DCX: variants seen among roughly 807,000 people sequenced by gnomAD.
The protein encoded by DCX is neuronal migration protein doublecortin.
Under a neutral mutation model 20.9 loss-of-function variants are expected in DCX, and 4 were observed. The ratio of observed to expected loss-of-function variants is 0.19; its 90% CI spans 0.09 to 0.44. DCX has a LOEUF of 0.44. Among genes scored for constraint, DCX ranks in the 20% least tolerant of loss-of-function variants. The pLI is 0.99. For synonymous variants in DCX, 103 were observed against 111.4 expected (o/e 0.92, Z 0.47); for missense variants, 133 against 296.9 (o/e 0.45, Z 4.06).
At chrX:111,409,967 C>G in intron 2 of DCX, 68 bp downstream of exon 2, 1 of 1,195,739 alleles carries the variant, frequency 8.4e-7, no homozygotes, top group Non-Finnish European at 1.1e-6. Flanking sequence ...TTCAAAGCAA[C>G]CGAAGAATGT....
intron 3 of DCX, among the ~76,000 whole-genome samples, chrX:111,396,251 AC>A (rs1927308163): frequency 8.9e-6 from 1 of 112,279 alleles, no homozygotes; most frequent in South Asian, 3.7e-4. Flanking sequence ...TTATTCTGAG[AC>A]CTGTAATCCC....
intron 3 of DCX, among the ~76,000 whole-genome samples, chrX:111,376,231 A>T (rs752446144): frequency 1.9e-4 from 21 of 111,836 alleles, no homozygotes; most frequent in Non-Finnish European, 3.8e-4. Flanking sequence ...CCTGTGTAGT[A>T]ACACACCCCG....
chrX:111,355,365 T>G (rs1923650672), intron 3 of DCX, among the ~76,000 whole-genome samples: 1 of 111,238 alleles, frequency 9.0e-6, no homozygotes, highest in African/African-American at 3.3e-5. Context: ...TGAATCATCA[T>G]TTTGTGGTAT....
chrX:111,360,493 A>C (rs1049086675), intron 3 of DCX, among the ~76,000 whole-genome samples: 2 of 111,622 alleles, frequency 1.8e-5, no homozygotes, highest in African/African-American at 6.5e-5. Context: ...AATGGGTACA[A>C]AAAAATAGAA....
chrX:111,354,308 G>T (rs1471898795), intron 3 of DCX, among the ~76,000 whole-genome samples: 1 of 111,507 alleles, frequency 9.0e-6, no homozygotes, highest in Non-Finnish European at 1.9e-5. Flanking sequence ...ATCACCCTTT[G>T]TATGTAAACC....
intron 3 of DCX, among the ~76,000 whole-genome samples, chrX:111,347,433 A>T (rs935136499): frequency 1.8e-5 from 2 of 111,795 alleles, no homozygotes; most frequent in Admixed American, 1.9e-4. Flanking sequence ...CCATCAAAGC[A>T]TCCATTTCTT....
chrX:111,366,311 CT>C (rs1218333758), intron 3 of DCX, among the ~76,000 whole-genome samples: 1 of 111,695 alleles, frequency 9.0e-6, no homozygotes, highest in African/African-American at 3.3e-5. Context: ...GCTTCTTCCC[CT>C]GACATTGTAG....
chrX:111,347,921 T>C (rs182434007), intron 3 of DCX, among the ~76,000 whole-genome samples: 140 of 112,302 alleles, frequency 1.2e-3, no homozygotes, highest in African/African-American at 3.9e-3. Context: ...AGCTGAGATA[T>C]TGGTCTTCAA....
intron 3 of DCX, among the ~76,000 whole-genome samples, chrX:111,366,234 T>A (rs1444134236): frequency 2.7e-5 from 3 of 111,890 alleles, no homozygotes; most frequent in Non-Finnish European, 5.6e-5. Flanking sequence ...TCCTAGTTGG[T>A]TGGGGATTCC....
At chrX:111,407,983 T>C (rs1024985500) in intron 2 of DCX, among the ~76,000 whole-genome samples, 17 of 111,808 alleles carry the variant, frequency 1.5e-4, no homozygotes, top group Non-Finnish European at 2.4e-4. Flanking sequence ...CTAATGTCTA[T>C]TGTGGTCTTT....
intron 3 of DCX, among the ~76,000 whole-genome samples, chrX:111,357,972 C>T (rs141343342): frequency 0.027 from 2,991 of 110,087 alleles, 115 homozygotes; most frequent in African/African-American, 0.093. Context: ...GGACTACAGG[C>T]GTGTGCCACC....
chrX:111,321,838 C>G (rs1311379427), intron 5 of DCX, among the ~76,000 whole-genome samples: 2 of 112,141 alleles, frequency 1.8e-5, no homozygotes, highest in African/African-American at 6.5e-5. Flanking sequence ...ATTATACTTT[C>G]TGGGCTCAAG....
chrX:111,402,227 T>A (rs749157011), intron 2 of DCX, among the ~76,000 whole-genome samples: 6 of 111,511 alleles, frequency 5.4e-5, no homozygotes, highest in Non-Finnish European at 9.4e-5. Flanking sequence ...ATTGGAAGGA[T>A]CTAGTGTAAT....
At chrX:111,400,332 C>A (rs772364545) in intron 3 of DCX, among the ~76,000 whole-genome samples, 1 of 111,838 alleles carries the variant, frequency 8.9e-6, no homozygotes, top group Non-Finnish European at 1.9e-5. Context: ...ACATGAAGAA[C>A]CTGATTTGGA....
intron 2 of DCX, among the ~76,000 whole-genome samples, chrX:111,403,347 C>T (rs1927960869): frequency 8.9e-6 from 1 of 111,848 alleles, no homozygotes; most frequent in Non-Finnish European, 1.9e-5. Context: ...GCTGTGTAGC[C>T]CTATTAGGAC....
At chrX:111,320,372 T>G (rs1453042217) in intron 5 of DCX, among the ~76,000 whole-genome samples, 1 of 112,344 alleles carries the variant, frequency 8.9e-6, no homozygotes, top group Non-Finnish European at 1.9e-5. Flanking sequence ...AAATAGGGTC[T>G]GATGAACTTT....
At chrX:111,312,562 G>C (rs182091446) in intron 6 of DCX, 77 bp downstream of exon 6, 157 of 1,036,688 alleles carry the variant, frequency 1.5e-4, no homozygotes, top group Admixed American at 7.3e-4. Flanking sequence ...TGTTGAGTTA[G>C]AATGGAAGAG....
intron 3 of DCX, among the ~76,000 whole-genome samples, chrX:111,357,499 C>A (rs951579933): frequency 2.7e-5 from 3 of 111,697 alleles, no homozygotes; most frequent in African/African-American, 9.8e-5. Flanking sequence ...GAGTTCTGTC[C>A]CAGCACAGGG....
At chrX:111,381,104 G>C (rs1050043924) in intron 3 of DCX, among the ~76,000 whole-genome samples, 12 of 110,313 alleles carry the variant, frequency 1.1e-4, no homozygotes, top group Non-Finnish European at 2.3e-4. Flanking sequence ...TTAAATGGTA[G>C]AAATGATGTT....
Sources: gnomAD v4.1 joint callset for allele counts (sites outside exome capture counted in the v4.1 genomes callset) on GRCh38, gnomAD v4.1.1 for gene constraint, MANE v1.5 for transcripts, NCBI Gene and HGNC (gene_info 2026-07-23, HGNC 2026-07-21) for gene names.